CMSS1: variants seen among roughly 807,000 people sequenced by gnomAD.
CMSS1 encodes cms1 ribosomal small subunit homolog, also known as protein CMSS1.
In CMSS1, 33 loss-of-function variants were observed where a neutral mutation model predicts 43.5. That is an observed-to-expected ratio of 0.76 (90% CI 0.57 to 1.01). CMSS1 has a LOEUF of 1.01. Among genes scored for constraint, CMSS1 ranks in the 50% least tolerant of loss-of-function variants. The probability of loss-of-function intolerance (pLI) is 0.00; values close to 1 mark genes in which losing one functional copy is unlikely to be tolerated. For missense variants in CMSS1, 313 were observed against 326.4 expected, an observed-to-expected ratio of 0.96 and a Z score of 0.32; for synonymous variants, 115 against 117.2, an observed-to-expected ratio of 0.98 and a Z score of 0.12.
At position 99,910,395 on chromosome 3, in the gene CMSS1, A is replaced by G. The variant is rs115963161; in HGVS notation, c.64+92352A>G. Among the ~76,000 whole-genome samples, 834 of 136,658 alleles carry G rather than the reference A, an allele frequency of 6.1e-3. 86 individuals are homozygous for G. Among genetic ancestry groups the G allele is most frequent in the African/African-American group, 0.019 (780 of 40,170 alleles). 89.7% of individuals were successfully genotyped at this position (136,658 alleles called of 152,430 possible). ...TTCTCCTGGCAAGACTAATGTAACA[A>G]AAACAGGGTTCTGTGAGCTTTTAGA... On this transcript the variant is annotated intron_variant, in intron 1 of 9. Coordinates refer to ENST00000421999, the MANE Select transcript of CMSS1 (RefSeq NM_032359.4).
At position 99,930,806 on chromosome 3, in the gene CMSS1, A is replaced by G. The variant is rs371186471; in HGVS notation, c.64+112763A>G. On this transcript the variant is annotated intron_variant, in intron 1 of 9. Coordinates refer to ENST00000421999, the MANE Select transcript of CMSS1 (RefSeq NM_032359.4). ...CTCCAGAATGCTGAGGAGAAATAACAGGTCATCTCTTGAGAGGTCTTCTGC... is the reference window on the plus strand; with the variant it reads ...CTCCAGAATGCTGAGGAGAAATAACGGGTCATCTCTTGAGAGGTCTTCTGC... 19 of 1,612,880 alleles carry G rather than the reference A, an allele frequency of 1.2e-5. No homozygotes were observed. The African/African-American group carries it at 1.9e-4, about 16-fold the overall frequency.
intron 1 of CMSS1, among the ~76,000 whole-genome samples, chr3:99,895,043 A>G (rs1706203871): frequency 6.6e-6 from 1 of 152,182 alleles, no homozygotes. Flanking sequence ...ACTAACCTGA[A>G]GAAAAGTAGC....
At chr3:99,922,003 G>A (rs1216399137) in intron 1 of CMSS1, among the ~76,000 whole-genome samples, 1 of 152,136 alleles carries the variant, frequency 6.6e-6, no homozygotes, top group Non-Finnish European at 1.5e-5. Context: ...CCAGAAGATA[G>A]TAGAGATACA....
intron 4 of CMSS1, 75 bp from the exon 5 acceptor site, chr3:100,166,260 A>T: frequency 1.0e-6 from 1 of 979,252 alleles, no homozygotes; most frequent in Non-Finnish European, 1.6e-6. Flanking sequence ...CATCACTCAT[A>T]ACTCACATAT....
At chr3:100,151,466 A>G (rs552736695) in intron 2 of CMSS1, among the ~76,000 whole-genome samples, 25 of 152,054 alleles carry the variant, frequency 1.6e-4, no homozygotes, top group Non-Finnish European at 3.2e-4. Context: ...GCACGTCTCA[A>G]TCTCTCACTA....
In CMSS1 at chr3:100,146,964, A is replaced by C. The variant is rs761301148; in HGVS notation, c.65-9A>C. The C allele has an allele frequency of 6.2e-7, 1 of 1,612,642 alleles. No homozygotes were observed. The highest frequency in any genetic ancestry group is 1.1e-5 in the South Asian group (1 of 90,662). ...GACTTTTCTGATTTTCAAACTTTAT[A>C]TTTTCTAGAAGCATCAGATGGTGAA... On this transcript the variant is annotated splice_polypyrimidine_tract_variant and intron_variant, in intron 1 of 9. Coordinates refer to ENST00000421999, the MANE Select transcript of CMSS1 (RefSeq NM_032359.4).
At chr3:99,869,118 G>C (rs189388214) in intron 1 of CMSS1, among the ~76,000 whole-genome samples, 4 of 152,302 alleles carry the variant, frequency 2.6e-5, no homozygotes, top group Admixed American at 2.6e-4. Context: ...AATGGAAGAA[G>C]GACAAGTAGA....
chr3:100,079,023 A>G (rs1459415660), intron 1 of CMSS1, among the ~76,000 whole-genome samples: 1 of 152,228 alleles, frequency 6.6e-6, no homozygotes, highest in Non-Finnish European at 1.5e-5. Flanking sequence ...ACTAGGTTCA[A>G]CTAGATGGCT....
chr3:100,144,828 T>C (rs2066834555), intron 1 of CMSS1, among the ~76,000 whole-genome samples: 1 of 152,226 alleles, frequency 6.6e-6, no homozygotes, highest in Non-Finnish European at 1.5e-5. Context: ...TCTGGGATAA[T>C]GAGGCAAAAA....
chr3:100,026,221 T>C (rs1290631219), intron 1 of CMSS1, among the ~76,000 whole-genome samples: 1 of 152,108 alleles, frequency 6.6e-6, no homozygotes, highest in Non-Finnish European at 1.5e-5. Context: ...TTAAAATACT[T>C]TGTCAAAAAT....
chr3:100,136,483 G>C (rs1256259377), intron 1 of CMSS1, among the ~76,000 whole-genome samples: 1 of 152,182 alleles, frequency 6.6e-6, no homozygotes, highest in African/African-American at 2.4e-5. Flanking sequence ...CCTGCAGTGG[G>C]CATGTCAAGC....
At chr3:100,046,048 G>T (rs1448369439) in intron 1 of CMSS1, among the ~76,000 whole-genome samples, 1 of 152,176 alleles carries the variant, frequency 6.6e-6, no homozygotes. Context: ...ATTTTTTAAG[G>T]AAAGGGTATG....
chr3:99,941,915 T>C (rs1707860733), intron 1 of CMSS1, among the ~76,000 whole-genome samples: 1 of 152,212 alleles, frequency 6.6e-6, no homozygotes, highest in Non-Finnish European at 1.5e-5. Flanking sequence ...TGATAGCAGC[T>C]GGTTTGATTA....
At chr3:99,833,125 A>G (rs1942751619) in intron 1 of CMSS1, 2 of 908,548 alleles carry the variant, frequency 2.2e-6, no homozygotes, top group African/African-American at 3.4e-5. Flanking sequence ...GAGATTAAGC[A>G]AGTTGGAAAG....
chr3:100,105,109 C>T (rs992986338), intron 1 of CMSS1, among the ~76,000 whole-genome samples: 1 of 152,150 alleles, frequency 6.6e-6, no homozygotes, highest in Non-Finnish European at 1.5e-5. Context: ...AGGGTGTTCA[C>T]AAGTAAGCAT....
chr3:100,177,179 A>AT (rs1395901185), intron 9 of CMSS1, among the ~76,000 whole-genome samples: 1 of 152,234 alleles, frequency 6.6e-6, no homozygotes, highest in Admixed American at 6.5e-5. Flanking sequence ...AATTTATCAC[A>AT]TAAAGCTATA....
rs996553009 is a variant in CMSS1, at chr3:100,087,359, T to C, written c.65-59614T>C. Among the ~76,000 whole-genome samples, 6 of 152,212 alleles carry C rather than the reference T, an allele frequency of 3.9e-5. No individual in the cohort carries two copies. In the South Asian group the frequency reaches 1.0e-3, roughly 26 times the overall value. On this transcript the variant is annotated intron_variant, in intron 1 of 9. Coordinates refer to ENST00000421999, the MANE Select transcript of CMSS1 (RefSeq NM_032359.4). ...AGTTGCTCAGCAACCTCACCAGCAA[T>C]TGGTATTGTCAGTGGGTTAGTTTGG... is the stretch of plus-strand genomic sequence containing the variant.
intron 1 of CMSS1, among the ~76,000 whole-genome samples, chr3:100,073,053 TTATGTG>T (rs1394084906): frequency 6.6e-6 from 1 of 152,184 alleles, no homozygotes; most frequent in African/African-American, 2.4e-5. Context: ...CATAATTAGT[TTATGTG>T]TATGTTCATA....
intron 1 of CMSS1, among the ~76,000 whole-genome samples, chr3:100,064,729 T>C (rs759549965): frequency 7.9e-5 from 12 of 152,232 alleles, no homozygotes; most frequent in Non-Finnish European, 1.6e-4. Flanking sequence ...TGGCAAATCA[T>C]ACTCATCTGT....
Sources: gnomAD v4.1 joint callset for allele counts (sites outside exome capture counted in the v4.1 genomes callset) on GRCh38, gnomAD v4.1.1 for gene constraint, MANE v1.5 for transcripts, NCBI Gene and HGNC (gene_info 2026-07-23, HGNC 2026-07-21) for gene names.